The following WWTR1 variants were observed in gnomAD, a reference collection of about 807,000 sequenced individuals.
WWTR1 encodes WW domain-containing transcription regulator protein 1.
WWTR1 carries 13 observed loss-of-function variants against 40.1 expected under a neutral mutation model. That is an observed-to-expected ratio of 0.32 (90% CI 0.21 to 0.52). The LOEUF (loss-of-function observed/expected upper bound fraction) is 0.52. Among genes scored for constraint, WWTR1 ranks in the 20% least tolerant of loss-of-function variants. The pLI, the probability that WWTR1 is intolerant of heterozygous loss-of-function variation, is 0.97. For synonymous variants in WWTR1, 230 were observed against 210.1 expected, an observed-to-expected ratio of 1.09 and a Z score of -0.82; for missense variants, 436 against 523.1, an observed-to-expected ratio of 0.83 and a Z score of 1.63.
At chr3:149,582,821 C>A (rs1007544992) in intron 2 of WWTR1, among the ~76,000 whole-genome samples, 2 of 152,142 alleles carry the variant, frequency 1.3e-5, no homozygotes, top group Non-Finnish European at 2.9e-5. Context: ...GAGTCTATTT[C>A]ACGATATTAT....
At chr3:149,597,769 G>A (rs1475268726) in intron 2 of WWTR1, among the ~76,000 whole-genome samples, 1 of 152,200 alleles carries the variant, frequency 6.6e-6, no homozygotes, top group Admixed American at 6.5e-5. Context: ...AAAGCAAGGA[G>A]TCCAACCTTG....
At chr3:149,593,660 A>C (rs12638909) in intron 2 of WWTR1, among the ~76,000 whole-genome samples, 8 of 152,216 alleles carry the variant, frequency 5.3e-5, no homozygotes, top group African/African-American at 1.4e-4. Context: ...ATACAAATGG[A>C]AACAAAATGC....
intron 2 of WWTR1, among the ~76,000 whole-genome samples, chr3:149,624,561 C>T (rs989808387): frequency 5.3e-5 from 8 of 152,192 alleles, no homozygotes; most frequent in Admixed American, 5.2e-4. Flanking sequence ...GGCTGGCTAC[C>T]ACCTTGGAGA....
intron 3 of WWTR1, among the ~76,000 whole-genome samples, chr3:149,563,057 T>C (rs1385078761): frequency 6.6e-6 from 1 of 152,064 alleles, no homozygotes; most frequent in South Asian, 2.1e-4. Context: ...AAATTCTCCA[T>C]AGCAAGGAAG....
intron 1 of WWTR1, among the ~76,000 whole-genome samples, chr3:149,689,825 A>T (rs2108212094): frequency 6.6e-6 from 1 of 152,272 alleles, no homozygotes; most frequent in Admixed American, 6.5e-5. Context: ...ATACTATAAC[A>T]CTACAATTGT....
At chr3:149,562,104 C>T (rs562520058) in intron 3 of WWTR1, among the ~76,000 whole-genome samples, 46 of 151,998 alleles carry the variant, frequency 3.0e-4, no homozygotes, top group Admixed American at 3.9e-4. Flanking sequence ...AGACCGGCCT[C>T]GCCAACATGG....
intron 1 of WWTR1, 115 bp from the exon 2 acceptor site, chr3:149,657,424 G>A: frequency 7.9e-7 from 1 of 1,263,718 alleles, no homozygotes; most frequent in Non-Finnish European, 1.1e-6. Context: ...AAGGAAACGA[G>A]GAGACAGATA....
intron 2 of WWTR1, among the ~76,000 whole-genome samples, chr3:149,587,443 G>T (rs967504059): frequency 1.3e-5 from 2 of 152,278 alleles, no homozygotes; most frequent in Admixed American, 1.3e-4. Context: ...CCACCCAAAA[G>T]GTGGGAAGCG....
intron 2 of WWTR1, among the ~76,000 whole-genome samples, chr3:149,664,424 T>A (rs1344660906): frequency 6.6e-6 from 1 of 152,226 alleles, no homozygotes; most frequent in African/African-American, 2.4e-5. Context: ...GTGTCCAGCA[T>A]ATAGCAAATA....
chr3:149,628,737 T>TTTTTATTTTATTTTA (rs144977104), intron 2 of WWTR1, among the ~76,000 whole-genome samples: 141 of 144,744 alleles, frequency 9.7e-4, no homozygotes, highest in African/African-American at 2.6e-3. Flanking sequence ...CTTTTTATTT[T>TTTTTATTTTATTTTA]TTTTATTTTA....
In WWTR1 at chr3:149,542,352, C is replaced by T. The variant is rs774910873; in HGVS notation, c.754G>A (p.Glu252Lys). 1 of 1,613,774 alleles carries T rather than the reference C, an allele frequency of 6.2e-7. No homozygotes were observed. Among genetic ancestry groups the T allele is most frequent in the East Asian group, 2.2e-5 (1 of 44,886 alleles). ...AGCCATACCTGCCTCATGAGCTCCT[C>T]TTGGCGCATTCGAATCCTTTCTCTC... ...MERERIRMRQ[E>K]ELMRQEAALC... Residue 252 changes from glutamate (E) to lysine (K), a missense_variant, in exon 4 of 7, where the codon GAG (glutamate) becomes AAG (lysine). By Grantham distance (56) the Glu-to-Lys change is moderately conservative. Coordinates refer to ENST00000360632, the MANE Select transcript of WWTR1 (RefSeq NM_015472.6).
intron 3 of WWTR1, among the ~76,000 whole-genome samples, chr3:149,556,783 A>G (rs1736845999): frequency 6.6e-6 from 1 of 152,190 alleles, no homozygotes; most frequent in African/African-American, 2.4e-5. Context: ...TCTGATCCCA[A>G]GCAAAACAAA....
intron 2 of WWTR1, among the ~76,000 whole-genome samples, chr3:149,642,819 T>C (rs1421068362): frequency 1.3e-5 from 2 of 151,396 alleles, no homozygotes; most frequent in African/African-American, 2.4e-5. Context: ...AAGTTGCATA[T>C]GCATAGGGTT....
chr3:149,706,091 G>A (rs1576647900), upstream of WWTR1, among the ~76,000 whole-genome samples: 1 of 152,128 alleles, frequency 6.6e-6, no homozygotes, highest in East Asian at 1.9e-4. Context: ...CTCAGGATAA[G>A]GGGCTGAGGC....
At chr3:149,593,816 T>C (rs1738847643) in intron 2 of WWTR1, among the ~76,000 whole-genome samples, 1 of 152,234 alleles carries the variant, frequency 6.6e-6, no homozygotes, top group South Asian at 2.1e-4. Flanking sequence ...AGTATATCAT[T>C]TAAAATGTCT....
intron 6 of WWTR1, 125 bp from the exon 7 acceptor site, chr3:149,521,114 A>C: frequency 1.7e-6 from 2 of 1,151,718 alleles, no homozygotes; most frequent in Non-Finnish European, 2.4e-6. Context: ...ACCCTTACTC[A>C]TAAGAGGTAC....
intron 1 of WWTR1, among the ~76,000 whole-genome samples, chr3:149,682,554 T>C (rs1714493404): frequency 6.6e-6 from 1 of 152,188 alleles, no homozygotes; most frequent in Admixed American, 6.5e-5. Flanking sequence ...CATACTCCTC[T>C]ACAAAAGCCT....
chr3:149,695,057 A>T (rs1441069599), intron 1 of WWTR1, among the ~76,000 whole-genome samples: 1 of 152,248 alleles, frequency 6.6e-6, no homozygotes, highest in Non-Finnish European at 1.5e-5. Context: ...AGCCAGGCAC[A>T]GAAGGACAAA....
chr3:149,582,499 G>A (rs1433366570), intron 2 of WWTR1, among the ~76,000 whole-genome samples: 2 of 151,964 alleles, frequency 1.3e-5, no homozygotes, highest in African/African-American at 2.4e-5. Flanking sequence ...GCTGAGGCAG[G>A]AGGATTGCTT....
Sources: gnomAD v4.1 joint callset for allele counts (sites outside exome capture counted in the v4.1 genomes callset) on GRCh38, gnomAD v4.1.1 for gene constraint, MANE v1.5 for transcripts, NCBI Gene and HGNC (gene_info 2026-07-23, HGNC 2026-07-21) for gene names.